ADAM19: variants seen among roughly 807,000 people sequenced by gnomAD.
ADAM19 encodes the protein disintegrin and metalloproteinase domain-containing protein 19.
Under a neutral mutation model 114.7 loss-of-function variants are expected in ADAM19, and 65 were observed. That is an observed-to-expected ratio of 0.57 (90% CI 0.46 to 0.70). The LOEUF (loss-of-function observed/expected upper bound fraction) is 0.70, where lower values mean the gene tolerates loss of function less well. ADAM19 is among the 30% of genes least tolerant of loss of function. ADAM19 has a pLI of 0.00. For synonymous variants in ADAM19, 466 were observed against 460.5 expected (o/e 1.01, Z -0.15); for missense variants, 1,063 against 1,204.7 (o/e 0.88, Z 1.74).
chr5:157,520,091 T>G, intron 5 of ADAM19, 60 bp from the exon 6 acceptor site: 1 of 1,516,952 alleles, frequency 6.6e-7, no homozygotes, highest in Non-Finnish European at 8.9e-7. Context: ...AAGTCCCTTG[T>G]GTAGGTCTTA....
Position 157,507,184 on chromosome 5 carries a change from A to T in ADAM19, c.906-44T>A, listed in dbSNP as rs186490232. On this transcript the variant is annotated intron_variant, in intron 9 of 22. Coordinates refer to ENST00000257527, the MANE Select transcript of ADAM19 (RefSeq NM_033274.5). ...GACGGTGACCGGGGACGAGACTAAGAGGGCTGTTCCAATGTGCCTGGGAGT... is the reference window on the plus strand; with the variant it reads ...GACGGTGACCGGGGACGAGACTAAGTGGGCTGTTCCAATGTGCCTGGGAGT... 1.2e-5 allele frequency: 19 copies of T among 1,589,030 alleles called. No individual in the cohort carries two copies. The Admixed American group carries it at 2.2e-4, about 18-fold the overall frequency.
intron 7 of ADAM19, among the ~76,000 whole-genome samples, chr5:157,517,955 C>T (rs1173596456): frequency 6.6e-6 from 1 of 152,040 alleles, no homozygotes; most frequent in African/African-American, 2.4e-5. Flanking sequence ...TTCAGGAGGT[C>T]GGGGGCAGGG....
chr5:157,495,241 T>TC (rs1755320263), intron 14 of ADAM19, among the ~76,000 whole-genome samples: 1 of 151,930 alleles, frequency 6.6e-6, no homozygotes, highest in Admixed American at 6.6e-5. Flanking sequence ...GACCTCATGA[T>TC]CCCCCCGCCT....
intron 1 of ADAM19, among the ~76,000 whole-genome samples, chr5:157,572,825 G>T (rs750143058): frequency 6.6e-6 from 1 of 152,136 alleles, no homozygotes; most frequent in Non-Finnish European, 1.5e-5. Flanking sequence ...CGAGGTGGGC[G>T]GATCACCTGA....
rs1364931526 is a variant in ADAM19 at position 157,489,505 on chromosome 5, A to G, written c.2241-319T>C. 1.7e-4 allele frequency among the ~76,000 whole-genome samples: 26 copies of G among 152,226 alleles called. 1 individual carries two copies. The highest frequency in any genetic ancestry group is 1.7e-3 in the Admixed American group (26 of 15,284). ...AGCCATCAACCAATCCCCATCAGGC[A>G]TAGATCCAGAAAGACCTGGGACTTA... On this transcript the variant is annotated intron_variant, in intron 19 of 22. Coordinates refer to ENST00000257527, the MANE Select transcript of ADAM19 (RefSeq NM_033274.5).
At chr5:157,572,662 A>G (rs1163298381) in intron 1 of ADAM19, among the ~76,000 whole-genome samples, 1 of 152,258 alleles carries the variant, frequency 6.6e-6, no homozygotes, top group Non-Finnish European at 1.5e-5. Flanking sequence ...GAAACAATGC[A>G]TTCATATATT....
intron 7 of ADAM19, among the ~76,000 whole-genome samples, chr5:157,516,983 A>G (rs1470277643): frequency 6.6e-6 from 1 of 152,250 alleles, no homozygotes; most frequent in African/African-American, 2.4e-5. Flanking sequence ...GGAAAAACCA[A>G]TATCAACATC....
At chr5:157,533,691 G>T (rs554577863) in intron 4 of ADAM19, among the ~76,000 whole-genome samples, 2 of 152,160 alleles carry the variant, frequency 1.3e-5, no homozygotes, top group Non-Finnish European at 2.9e-5. Context: ...CTGAGGCCAG[G>T]CGCGGTGGCT....
At chr5:157,514,949 C>T (rs1043766828) in intron 7 of ADAM19, among the ~76,000 whole-genome samples, 55 of 152,320 alleles carry the variant, frequency 3.6e-4, no homozygotes, top group African/African-American at 1.3e-3. Context: ...TCACGTCCTT[C>T]CTCCACCCCA....
intron 3 of ADAM19, among the ~76,000 whole-genome samples, chr5:157,552,677 C>CAA (rs778402112): frequency 2.4e-3 from 139 of 58,856 alleles, no homozygotes; most frequent in Admixed American, 2.7e-3. Context: ...GGACTCTACT[C>CAA]AAAAAAAAAA....
chr5:157,550,686 GA>G (rs60281885), intron 3 of ADAM19, among the ~76,000 whole-genome samples: 32,175 of 139,694 alleles, frequency 0.23, 3,377 homozygotes, highest in African/African-American at 0.27. Flanking sequence ...AAGCTGTTTG[GA>G]AAAAAAAAAA....
chr5:157,505,836 G>A lies in ADAM19; in HGVS notation c.991-28C>T, dbSNP rs138724050. 3.1e-6 allele frequency: 5 copies of A among 1,608,556 alleles called. No homozygotes were observed. In the East Asian group the frequency reaches 1.1e-4, roughly 36 times the overall value. ...GCTCAGAAGACAGAGTTGAGGTCAAGGTCAAGGGGACAGATCTGCCTCTGC... is the reference window on the plus strand; with the variant it reads ...GCTCAGAAGACAGAGTTGAGGTCAAAGTCAAGGGGACAGATCTGCCTCTGC... On this transcript the variant is annotated intron_variant, in intron 10 of 22. Coordinates refer to ENST00000257527, the MANE Select transcript of ADAM19 (RefSeq NM_033274.5).
rs578081741 is a variant in ADAM19, at chr5:157,504,109, G to C, written c.1131-1129C>G. On this transcript the variant is annotated intron_variant, in intron 11 of 22. Transcript: ENST00000257527. ...TTGTGAATAATTTAAAAATGAAAGA[G>C]AGTAGTAATCAATATAACTCTCAAT... Among the ~76,000 whole-genome samples the C allele has an allele frequency of 6.6e-5, 10 of 152,300 alleles. No homozygotes were observed. The South Asian group carries it at 1.9e-3, about 28-fold the overall frequency.
At chr5:157,567,754 G>C (rs531271455) in intron 2 of ADAM19, among the ~76,000 whole-genome samples, 2 of 151,378 alleles carry the variant, frequency 1.3e-5, no homozygotes, top group African/African-American at 4.9e-5. Context: ...CTGAGATCAC[G>C]CCATTGCACT....
intron 3 of ADAM19, among the ~76,000 whole-genome samples, chr5:157,551,190 A>T (rs551604490): frequency 1.4e-4 from 21 of 152,200 alleles, no homozygotes; most frequent in African/African-American, 5.1e-4. Flanking sequence ...GAATCACCTG[A>T]GGTCAGGAGT....
chr5:157,504,389 C>T (rs1396630159), intron 11 of ADAM19, among the ~76,000 whole-genome samples: 1 of 152,022 alleles, frequency 6.6e-6, no homozygotes, highest in Non-Finnish European at 1.5e-5. Context: ...TAGCTGGGAC[C>T]ACAGGCGTGC....
chr5:157,479,232 C>T lies in ADAM19; in HGVS notation c.*1717G>A. On this transcript the variant is annotated 3_prime_UTR_variant, in exon 23 of 23. Coordinates refer to ENST00000257527, the MANE Select transcript of ADAM19 (RefSeq NM_033274.5). ...TTCTAAACCCAACCCAGGCTTTTCC[C>T]CCAGGGGTACATCCCGTATTTTCCA... 1 of 985,872 alleles carries T rather than the reference C, an allele frequency of 1.0e-6. No homozygotes were observed. Among genetic ancestry groups the T allele is most frequent in the Non-Finnish European group, 1.2e-6 (1 of 829,966 alleles). The allele number at this position is 985,872 out of a possible 1,614,324, so 61.1% of individuals were successfully genotyped here.
intron 3 of ADAM19, among the ~76,000 whole-genome samples, chr5:157,542,452 A>C (rs1278297546): frequency 6.6e-6 from 1 of 152,260 alleles, no homozygotes; most frequent in Non-Finnish European, 1.5e-5. Flanking sequence ...TGCACTAGGC[A>C]ACTGCCCTTC....
Position 157,479,449 on chromosome 5 carries a change from T to A in ADAM19, c.*1500A>T, listed in dbSNP as rs1437449119. 1 of 985,860 alleles carries A rather than the reference T, an allele frequency of 1.0e-6. No individual in the cohort carries two copies. Among genetic ancestry groups the A allele is most frequent in the Non-Finnish European group, 1.2e-6 (1 of 830,042 alleles). 61.1% of individuals were successfully genotyped at this position (985,860 alleles called of 1,614,324 possible). A position where few individuals can be genotyped will look rare whatever the true frequency, so the allele number is the denominator to read the frequency against. On this transcript the variant is annotated 3_prime_UTR_variant, in exon 23 of 23. Transcript: ENST00000257527. The stretch of plus-strand genomic sequence containing the variant: ...GAGGAGTGAGAGTCAGGCCAGCTCC[T>A]GTCCGGAGAGCCACCCAGCACCTTT...
Sources: allele counts gnomAD v4.1 joint callset (sites outside exome capture counted in the v4.1 genomes callset), GRCh38; gene constraint gnomAD v4.1.1; transcripts MANE v1.5; gene names NCBI Gene and HGNC (gene_info 2026-07-23, HGNC 2026-07-21).